The following MTRF1 variants were observed in gnomAD, a reference collection of about 807,000 sequenced individuals.
MTRF1 encodes the protein mitochondrial translation release factor 1, also known as peptide chain release factor 1, mitochondrial.
A neutral mutation model predicts 62.9 loss-of-function variants in MTRF1; 51 were observed. The ratio of observed to expected loss-of-function variants is 0.81; its 90% CI spans 0.65 to 1.02. The LOEUF is 1.02. Ranked by LOEUF, MTRF1 falls within the 50% of genes least tolerant of loss-of-function variation. MTRF1 has a pLI of 0.00. For missense variants in MTRF1, 446 were observed against 530.0 expected, an observed-to-expected ratio of 0.84 and a Z score of 1.56; for synonymous variants, 158 against 181.9, an observed-to-expected ratio of 0.87 and a Z score of 1.06.
At chr13:41,245,625 C>CA (rs2038142818) in intron 5 of MTRF1, among the ~76,000 whole-genome samples, 1 of 152,156 alleles carries the variant, frequency 6.6e-6, no homozygotes, top group Non-Finnish European at 1.5e-5. Flanking sequence ...CTTTCATTGT[C>CA]TGTAGGGATC....
the MTRF1 span, among the ~76,000 whole-genome samples, chr13:41,310,507 C>T: frequency 3.3e-5 from 5 of 152,152 alleles, no homozygotes; most frequent in African/African-American, 4.8e-5. Context: ...CCTGTCTCTA[C>T]TAAAAATACA....
At chr13:41,245,412 TA>T (rs2038114000) in intron 5 of MTRF1, among the ~76,000 whole-genome samples, 1 of 152,264 alleles carries the variant, frequency 6.6e-6, no homozygotes, top group East Asian at 1.9e-4. Flanking sequence ...AGCTAATTTT[TA>T]AAATTTTTTG....
chr13:41,311,435 T>G, the MTRF1 span: 5 of 1,237,354 alleles, frequency 4.0e-6, no homozygotes, highest in Admixed American at 6.3e-5. Context: ...AGCCCGACTC[T>G]CAGCAGCGGT....
chr13:41,232,704 G>C (rs1381777852), intron 7 of MTRF1, among the ~76,000 whole-genome samples: 5 of 152,090 alleles, frequency 3.3e-5, no homozygotes, highest in African/African-American at 1.2e-4. Context: ...CCAAGAAACG[G>C]GAGGATCCAA....
intron 5 of MTRF1, among the ~76,000 whole-genome samples, chr13:41,252,004 C>T (rs139468409): frequency 2.8e-4 from 43 of 152,050 alleles, no homozygotes; most frequent in African/African-American, 8.0e-4. Context: ...CTCAGCCTCT[C>T]GAGTATTTGG....
chr13:41,278,788 C>A, the MTRF1 span, among the ~76,000 whole-genome samples: 92 of 152,182 alleles, frequency 6.0e-4, no homozygotes, highest in African/African-American at 2.0e-3. Context: ...GACTCTTAGT[C>A]CCTGTAAATA....
chr13:41,266,107 A>C (rs930054265), upstream of MTRF1, among the ~76,000 whole-genome samples: 1 of 152,000 alleles, frequency 6.6e-6, no homozygotes, highest in East Asian at 1.9e-4. Flanking sequence ...TCAGCCTCCC[A>C]AAGTCCTGGG....
At chr13:41,277,975 C>T in the MTRF1 span, among the ~76,000 whole-genome samples, 1 of 152,246 alleles carries the variant, frequency 6.6e-6, no homozygotes, top group Admixed American at 6.5e-5. Flanking sequence ...AGTCCACTCA[C>T]AAATCTCTTA....
At chr13:41,264,602 C>T (rs1310641228), upstream of MTRF1, among the ~76,000 whole-genome samples, 1 of 152,176 alleles carries the variant, frequency 6.6e-6, no homozygotes, top group African/African-American at 2.4e-5. Context: ...TAATATCTAA[C>T]GTTTATAGCC....
the MTRF1 span, chr13:41,311,537 C>G: frequency 1.2e-6 from 2 of 1,605,682 alleles, no homozygotes; most frequent in African/African-American, 2.7e-5. Flanking sequence ...CGATGCCGAA[C>G]GTGCTGCTGC....
chr13:41,311,369 G>A, the MTRF1 span: 2 of 655,908 alleles, frequency 3.0e-6, no homozygotes, highest in Non-Finnish European at 5.2e-6. Context: ...CACCCGTGCC[G>A]AACAGCCAGG....
At chr13:41,243,426 G>C (rs1042565813) in intron 5 of MTRF1, among the ~76,000 whole-genome samples, 114 of 102,854 alleles carry the variant, frequency 1.1e-3, no homozygotes, top group African/African-American at 3.8e-3. Context: ...AAAAAAAAAA[G>C]ACTCAATTTC....
At chr13:41,289,987 A>G in the MTRF1 span, among the ~76,000 whole-genome samples, 8 of 152,116 alleles carry the variant, frequency 5.3e-5, no homozygotes, top group Non-Finnish European at 1.2e-4. Flanking sequence ...GATGCAGAAA[A>G]TGCTTTCCAA....
chr13:41,227,343 C>G lies in MTRF1; in HGVS notation c.989-775G>C, dbSNP rs1244854419. 2.0e-5 allele frequency among the ~76,000 whole-genome samples: 3 copies of G among 151,930 alleles called. No individual in the cohort carries two copies. In the East Asian group the frequency reaches 5.8e-4, roughly 29 times the overall value. ...ATAGAAAAAAGCCAATGAAAAGACG[C>G]TACTCAGAGTCTTTAAAAAGAAGAA... is the stretch of plus-strand genomic sequence containing the variant. On this transcript the variant is annotated intron_variant, in intron 7 of 9. Transcript: ENST00000379480.
At chr13:41,250,074 C>T (rs1244507424) in intron 5 of MTRF1, among the ~76,000 whole-genome samples, 2 of 152,072 alleles carry the variant, frequency 1.3e-5, no homozygotes, top group Non-Finnish European at 2.9e-5. Flanking sequence ...CTATACAAAC[C>T]TGGAACAGAA....
At chr13:41,303,178 A>C in the MTRF1 span, among the ~76,000 whole-genome samples, 2 of 152,166 alleles carry the variant, frequency 1.3e-5, no homozygotes, top group African/African-American at 2.4e-5. Context: ...AAAACAGATA[A>C]GTAGTTTTCT....
At chr13:41,247,541 C>A (rs1000042901) in intron 5 of MTRF1, among the ~76,000 whole-genome samples, 3 of 152,194 alleles carry the variant, frequency 2.0e-5, no homozygotes, top group Non-Finnish European at 4.4e-5. Flanking sequence ...CACCTGTCTT[C>A]TGTACAGGCG....
intron 7 of MTRF1, among the ~76,000 whole-genome samples, chr13:41,228,700 T>A (rs548192581): frequency 6.6e-6 from 1 of 152,366 alleles, no homozygotes; most frequent in Non-Finnish European, 1.5e-5. Flanking sequence ...TGGGATAAAT[T>A]TTCCCAAGAA....
chr13:41,285,123 T>C, the MTRF1 span, among the ~76,000 whole-genome samples: 1 of 152,242 alleles, frequency 6.6e-6, no homozygotes, highest in Non-Finnish European at 1.5e-5. Context: ...TTCTGAATCA[T>C]GAAGTTTTAC....
Sources: gnomAD v4.1 joint callset for allele counts (sites outside exome capture counted in the v4.1 genomes callset) on GRCh38, gnomAD v4.1.1 for gene constraint, MANE v1.5 for transcripts, NCBI Gene and HGNC (gene_info 2026-07-23, HGNC 2026-07-21) for gene names.